The following AKR1C2 variants were observed in gnomAD, a reference collection of about 807,000 sequenced individuals.
The protein encoded by AKR1C2 is aldo-keto reductase family 1 member C2.
A neutral mutation model predicts 39.8 loss-of-function variants in AKR1C2; 27 were observed. The ratio of observed to expected loss-of-function variants is 0.68; its 90% CI spans 0.50 to 0.93. The LOEUF (loss-of-function observed/expected upper bound fraction) is 0.93, where lower values mean the gene tolerates loss of function less well. AKR1C2 is among the 40% of genes least tolerant of loss of function. The pLI is 0.00. For synonymous variants in AKR1C2, 114 were observed against 137.9 expected (o/e 0.83, Z 1.22); for missense variants, 263 against 365.1 (o/e 0.72, Z 2.28).
intron 1 of AKR1C2, among the ~76,000 whole-genome samples, chr10:5,014,169 T>A (rs61856097): frequency 1.4e-5 from 2 of 148,140 alleles, no homozygotes; most frequent in African/African-American, 4.9e-5. Flanking sequence ...AAGGTTATCA[T>A]GAATACTAAC....
intron 1 of AKR1C2, among the ~76,000 whole-genome samples, chr10:5,016,633 A>T (rs1208421390): frequency 1.3e-5 from 2 of 152,144 alleles, no homozygotes; most frequent in Non-Finnish European, 2.9e-5. Context: ...ACACAGTATG[A>T]GCTTTCAGTG....
intron 1 of AKR1C2, among the ~76,000 whole-genome samples, chr10:5,009,440 T>A (rs1406803597): frequency 6.6e-6 from 1 of 152,168 alleles, no homozygotes; most frequent in Non-Finnish European, 1.5e-5. Flanking sequence ...TTGCGACCAC[T>A]CCTAGATAGG....
chr10:4,998,099 C>T (rs540050939), intron 5 of AKR1C2, among the ~76,000 whole-genome samples: 5 of 152,196 alleles, frequency 3.3e-5, no homozygotes, highest in Non-Finnish European at 5.9e-5. Flanking sequence ...ATGACCTTCA[C>T]TGTCTGCAGA....
At chr10:5,013,876 C>T (rs1201287678) in intron 1 of AKR1C2, among the ~76,000 whole-genome samples, 1 of 152,162 alleles carries the variant, frequency 6.6e-6, no homozygotes, top group Non-Finnish European at 1.5e-5. Flanking sequence ...CCCTTTATTT[C>T]ATCCTCTGGC....
intron 5 of AKR1C2, among the ~76,000 whole-genome samples, chr10:4,996,389 A>G (rs1444529384): frequency 6.6e-6 from 1 of 151,178 alleles, no homozygotes; most frequent in African/African-American, 2.4e-5. Context: ...GATAATTTTC[A>G]CAGTCTTTCA....
intron 1 of AKR1C2, among the ~76,000 whole-genome samples, chr10:5,016,418 A>T (rs1169774572): frequency 1.3e-5 from 2 of 152,252 alleles, no homozygotes; most frequent in Non-Finnish European, 1.5e-5. Flanking sequence ...CAGGCCCCAT[A>T]AAAGTCCAAA....
At chr10:4,997,895 T>C (rs1837114790) in intron 5 of AKR1C2, among the ~76,000 whole-genome samples, 1 of 152,178 alleles carries the variant, frequency 6.6e-6, no homozygotes, top group Admixed American at 6.5e-5. Flanking sequence ...GAATTATCTC[T>C]AGGCTATGAA....
chr10:5,005,862 A>C (rs1451351045), upstream of AKR1C2: 3 of 152,242 alleles, frequency 2.0e-5, no homozygotes, highest in Non-Finnish European at 4.4e-5. Flanking sequence ...TAAGAACTAC[A>C]GAAAATCTGA....
intron 4 of AKR1C2, 39 bp from the exon 5 acceptor site, chr10:4,998,786 G>T: frequency 1.2e-6 from 2 of 1,611,452 alleles, no homozygotes; most frequent in South Asian, 1.1e-5. Flanking sequence ...TTGTGTAGTC[G>T]ACTGAAGAGC....
At chr10:5,008,783 G>A (rs1837460916), upstream of AKR1C2, among the ~76,000 whole-genome samples, 1 of 152,228 alleles carries the variant, frequency 6.6e-6, no homozygotes, top group Admixed American at 6.5e-5. Flanking sequence ...CTGAACAAGT[G>A]TTACAGTTTG....
chr10:5,014,006 G>T (rs1466800650), intron 1 of AKR1C2, among the ~76,000 whole-genome samples: 2 of 151,982 alleles, frequency 1.3e-5, no homozygotes, highest in Non-Finnish European at 2.9e-5. Context: ...TGTCCTCAAG[G>T]TTCAACCATA....
At chr10:5,006,045 T>C (rs1837396712), upstream of AKR1C2, 1 of 152,184 alleles carries the variant, frequency 6.6e-6, no homozygotes, top group Non-Finnish European at 1.5e-5. Context: ...CACTTGAAAT[T>C]CCTGAGTCTA....
upstream of AKR1C2, among the ~76,000 whole-genome samples, chr10:5,006,860 T>C (rs1837418209): frequency 6.6e-6 from 1 of 151,952 alleles, no homozygotes; most frequent in Non-Finnish European, 1.5e-5. Flanking sequence ...CTGCAATCTC[T>C]TTCTCCCGGT....
chr10:5,015,940 G>GGAGAGA (rs150875948), intron 1 of AKR1C2: 13 of 151,216 alleles, frequency 8.6e-5, no homozygotes, highest in African/African-American at 2.7e-4. Context: ...ATTGCTGGCA[G>GGAGAGA]GAGAGAGAGA....
chr10:4,998,920 G>C (rs1451282898), intron 4 of AKR1C2, among the ~76,000 whole-genome samples, 173 bp from the exon 5 acceptor site: 1 of 152,176 alleles, frequency 6.6e-6, no homozygotes, highest in Admixed American at 6.5e-5. Context: ...GATAGTGATT[G>C]CAAGAGTGAG....
chr10:5,003,845 T>C lies in AKR1C2; in HGVS notation c.-10A>G, dbSNP rs1554774131. 1 of 1,614,106 alleles carries C rather than the reference T, an allele frequency of 6.2e-7. No individual in the cohort carries two copies. The highest frequency in any genetic ancestry group is 1.1e-5 in the South Asian group (1 of 91,084). On this transcript the variant is annotated 5_prime_UTR_variant, in exon 1 of 9. Coordinates refer to ENST00000380753, the MANE Select transcript of AKR1C2 (RefSeq NM_001393392.1). ...GGTATTTCGAATCCATTTCTGTCACTGGCCTGGTTAGCAAATGTTTCTTCC... is the reference window on the plus strand; with the variant it reads ...GGTATTTCGAATCCATTTCTGTCACCGGCCTGGTTAGCAAATGTTTCTTCC...
chr10:5,012,936 T>A (rs1837553074), intron 1 of AKR1C2, among the ~76,000 whole-genome samples: 2 of 152,192 alleles, frequency 1.3e-5, no homozygotes, highest in Non-Finnish European at 2.9e-5. Context: ...CTCAATTGTC[T>A]GGTGTATTTA....
intron 4 of AKR1C2, 53 bp from the exon 5 acceptor site, chr10:4,998,800 A>G: frequency 1.2e-6 from 2 of 1,609,276 alleles, no homozygotes; most frequent in South Asian, 2.2e-5. Context: ...GAAGAGCAAG[A>G]TAAATGTAAC....
At chr10:4,990,426 T>G (rs1213207788) in intron 8 of AKR1C2, among the ~76,000 whole-genome samples, 1 of 152,242 alleles carries the variant, frequency 6.6e-6, no homozygotes, top group Non-Finnish European at 1.5e-5. Context: ...GGAAGATATA[T>G]GCTCATCACT....
Sources: gnomAD v4.1 joint callset for allele counts (sites outside exome capture counted in the v4.1 genomes callset) on GRCh38, gnomAD v4.1.1 for gene constraint, MANE v1.5 for transcripts, NCBI Gene and HGNC (gene_info 2026-07-23, HGNC 2026-07-21) for gene names.